The following STK38 variants were observed in gnomAD, a reference collection of about 807,000 sequenced individuals.
STK38 encodes the protein serine/threonine-protein kinase 38.
STK38 carries 26 observed loss-of-function variants against 59.0 expected under a neutral mutation model. The observed-to-expected ratio is 0.44, with a 90% CI of 0.32 to 0.61. STK38 has a LOEUF of 0.61. STK38 is among the 20% of genes least tolerant of loss of function. The pLI, the probability that STK38 is intolerant of heterozygous loss-of-function variation, is 0.04. For synonymous variants in STK38, 175 were observed against 176.6 expected (o/e 0.99, Z 0.07); for missense variants, 433 against 566.0 (o/e 0.76, Z 2.38).
At position 36,517,739 on chromosome 6, in the gene STK38, T is replaced by G; in HGVS notation, c.492A>C (p.Leu164=). ...TACCTCCAGGCAGGAACTCCATGAT[T>G]AGGTAGAGGTTTAGCTTATCCTGAA... ...YSFQDKLNLY[L]IMEFLPGGDM... Residue 164 remains leucine (L), a synonymous_variant, in exon 6 of 14, where the codon CTA becomes CTC. Coordinates refer to ENST00000229812, the MANE Select transcript of STK38 (RefSeq NM_007271.4). The G allele has an allele frequency of 6.2e-7, 1 of 1,613,594 alleles. No homozygotes were observed.
Position 36,528,355 on chromosome 6 carries a change from TTATTG to T in STK38, c.132-2718_132-2714del, listed in dbSNP as rs142355480. ...AACTGAGAAAGAGGCTAGTTGAGAG[TTATTG>T]TAATGATTCAGATGTACAGTAAAGA... On this transcript the variant is annotated intron_variant, in intron 2 of 13. Coordinates refer to ENST00000229812, the MANE Select transcript of STK38 (RefSeq NM_007271.4). Among the ~76,000 whole-genome samples the T allele has an allele frequency of 3.2e-3, 486 of 152,108 alleles. 5 individuals carry two copies. Among genetic ancestry groups the T allele is most frequent in the Non-Finnish European group, 5.4e-3 (367 of 67,976 alleles).
At chr6:36,525,745 C>A in intron 2 of STK38, 103 bp from the exon 3 acceptor site, 5 of 884,202 alleles carry the variant, frequency 5.7e-6, no homozygotes, top group South Asian at 1.7e-5. Flanking sequence ...ATGACACAAA[C>A]AGGTAAATCT....
rs747537129 is a variant in STK38, at chr6:36,517,703, C to G, written c.514+14G>C. The stretch of plus-strand genomic sequence containing the variant: ...ACAAAAAGAAAAAATGACCTTTCAT[C>G]GTCAAGTAATTACCTCCAGGCAGGA... On this transcript the variant is annotated intron_variant, in intron 6 of 13. Transcript: ENST00000229812. 5.0e-6 allele frequency: 8 copies of G among 1,609,192 alleles called. No individual in the cohort carries two copies. Among genetic ancestry groups the G allele is most frequent in the Admixed American group, 1.7e-5 (1 of 59,032 alleles).
chr6:36,507,023 G>C (rs985885746), intron 8 of STK38, among the ~76,000 whole-genome samples: 1 of 152,166 alleles, frequency 6.6e-6, no homozygotes, highest in African/African-American at 2.4e-5. Context: ...TAACTTATAT[G>C]ATCAGGGACA....
At chr6:36,514,129 T>C in intron 7 of STK38, among the ~76,000 whole-genome samples, 1 of 126,576 alleles carries the variant, frequency 7.9e-6, no homozygotes, top group African/African-American at 3.1e-5. Flanking sequence ...CACTCCAGCC[T>C]GGGCGACAGA....
At chr6:36,545,662 C>A (rs929325859) in intron 1 of STK38, among the ~76,000 whole-genome samples, 36 of 152,094 alleles carry the variant, frequency 2.4e-4, no homozygotes, top group Non-Finnish European at 1.2e-4. Flanking sequence ...CTGGGTCAAC[C>A]AACTTTTCTT....
chr6:36,545,962 G>A (rs1189631352), intron 1 of STK38, among the ~76,000 whole-genome samples: 1 of 152,168 alleles, frequency 6.6e-6, no homozygotes, highest in Non-Finnish European at 1.5e-5. Context: ...ATGGTACTCT[G>A]TGATCACTAT....
chr6:36,513,732 G>A (rs879068924), intron 7 of STK38, among the ~76,000 whole-genome samples: 1 of 151,572 alleles, frequency 6.6e-6, no homozygotes, highest in Admixed American at 6.6e-5. Context: ...AAAAGCAGGT[G>A]GTGGCTCACA....
chr6:36,527,502 G>A (rs1026026101), intron 2 of STK38, among the ~76,000 whole-genome samples: 3 of 151,144 alleles, frequency 2.0e-5, no homozygotes, highest in South Asian at 2.1e-4. Context: ...GCAGTGAGGC[G>A]AGAGCACACC....
chr6:36,498,335 A>C, intron 11 of STK38, 28 bp downstream of exon 11: 1 of 1,582,168 alleles, frequency 6.3e-7, no homozygotes. Flanking sequence ...AAAGCTGAGA[A>C]AGAAGGTGGA....
At chr6:36,510,360 C>T (rs756645237) in intron 7 of STK38, among the ~76,000 whole-genome samples, 1 of 152,230 alleles carries the variant, frequency 6.6e-6, no homozygotes, top group African/African-American at 2.4e-5. Context: ...AACCCAGGCT[C>T]GGCCTCAACT....
intron 1 of STK38, among the ~76,000 whole-genome samples, chr6:36,540,447 A>G (rs6913613): frequency 0.24 from 36,239 of 152,150 alleles, 4,559 homozygotes; most frequent in East Asian, 0.39. Context: ...ACAGGCTTCT[A>G]AAGTGACATA....
At chr6:36,506,230 TCTAAGTAGGTATTTGTA>T (rs1322863570) in intron 9 of STK38, among the ~76,000 whole-genome samples, 5 of 152,158 alleles carry the variant, frequency 3.3e-5, no homozygotes, top group Admixed American at 2.0e-4. Flanking sequence ...GCCTGAAAAC[TCTAAGTAGGTATTTGTA>T]CTTAGTTCTG....
At chr6:36,508,634 G>A (rs1208906930) in intron 7 of STK38, among the ~76,000 whole-genome samples, 5 of 152,224 alleles carry the variant, frequency 3.3e-5, no homozygotes, top group East Asian at 1.9e-4. Flanking sequence ...GCCTTTACCC[G>A]AGTTTTGCTC....
intron 1 of STK38, among the ~76,000 whole-genome samples, chr6:36,544,021 G>A (rs1778004185): frequency 6.6e-6 from 1 of 152,066 alleles, no homozygotes; most frequent in Non-Finnish European, 1.5e-5. Flanking sequence ...TTGTTTTGTG[G>A]ATTAAACTAA....
At chr6:36,521,677 A>G in intron 5 of STK38, 57 bp downstream of exon 5, 1 of 1,346,510 alleles carries the variant, frequency 7.4e-7, no homozygotes. Context: ...AACAAAAAGA[A>G]AAGTTTTAGG....
intron 2 of STK38, among the ~76,000 whole-genome samples, chr6:36,539,564 T>C (rs995054949): frequency 1.3e-5 from 2 of 152,062 alleles, no homozygotes; most frequent in African/African-American, 4.8e-5. Flanking sequence ...GCAAGGCAAG[T>C]AGTATTATCC....
intron 1 of STK38, among the ~76,000 whole-genome samples, chr6:36,543,176 T>C (rs2127493649): frequency 6.6e-6 from 1 of 151,466 alleles, no homozygotes; most frequent in East Asian, 2.0e-4. Flanking sequence ...GCCATTCTCC[T>C]GCCTCAGCCT....
chr6:36,503,869 C>T (rs560304467), intron 9 of STK38, among the ~76,000 whole-genome samples: 10 of 152,338 alleles, frequency 6.6e-5, no homozygotes, highest in African/African-American at 2.4e-4. Context: ...TTTTACCACA[C>T]CATCTGTACC....
Sources: gnomAD v4.1 joint callset for allele counts (sites outside exome capture counted in the v4.1 genomes callset) on GRCh38, gnomAD v4.1.1 for gene constraint, MANE v1.5 for transcripts, NCBI Gene and HGNC (gene_info 2026-07-23, HGNC 2026-07-21) for gene names.